Variants in GLI3 observed in about 807,000 individuals in gnomAD.
The protein encoded by GLI3 is GLI family zinc finger 3.
A neutral mutation model predicts 100.8 loss-of-function variants in GLI3; 20 were observed. The observed-to-expected ratio is 0.20, with a 90% CI of 0.14 to 0.29. The LOEUF is 0.29. Ranked by LOEUF, GLI3 falls within the 10% of genes least tolerant of loss-of-function variation. GLI3 has a pLI of 1.00. For missense variants in GLI3, 2,040 were observed against 2,128.5 expected (o/e 0.96, Z 0.82); for synonymous variants, 938 against 860.5 (o/e 1.09, Z -1.58).
At chr7:42,052,702 C>T (rs959681115) in intron 4 of GLI3, among the ~76,000 whole-genome samples, 1 of 152,054 alleles carries the variant, frequency 6.6e-6, no homozygotes, top group Non-Finnish European at 1.5e-5. Context: ...GTCCAAATGG[C>T]GATTTGTTCC....
chr7:42,036,281 A>T (rs1348637767), intron 7 of GLI3, among the ~76,000 whole-genome samples: 1 of 152,246 alleles, frequency 6.6e-6, no homozygotes, highest in Non-Finnish European at 1.5e-5. Context: ...TCAGAAAGCC[A>T]GAATTATTCA....
At chr7:42,158,052 T>G (rs1022992820) in intron 2 of GLI3, among the ~76,000 whole-genome samples, 7 of 152,224 alleles carry the variant, frequency 4.6e-5, no homozygotes, top group African/African-American at 1.7e-4. Context: ...CTCCTATGCA[T>G]ATGCAAACAC....
chr7:42,190,010 A>G, intron 2 of GLI3, among the ~76,000 whole-genome samples: 1 of 140,874 alleles, frequency 7.1e-6, no homozygotes, highest in East Asian at 2.0e-4. Flanking sequence ...ACACACACAC[A>G]CACACACAGA....
intron 2 of GLI3, among the ~76,000 whole-genome samples, chr7:42,197,261 A>T (rs1787945552): frequency 6.6e-6 from 1 of 152,238 alleles, no homozygotes; most frequent in Non-Finnish European, 1.5e-5. Flanking sequence ...AGATCTATGC[A>T]GCTAAGAGTA....
chr7:42,080,852 C>T (rs1179115713), intron 3 of GLI3, among the ~76,000 whole-genome samples: 1 of 152,164 alleles, frequency 6.6e-6, no homozygotes, highest in African/African-American at 2.4e-5. Context: ...CCAAGAAAAC[C>T]CACATGACGA....
upstream of GLI3, among the ~76,000 whole-genome samples, chr7:42,237,268 T>G (rs1355754815): frequency 4.0e-5 from 6 of 151,656 alleles, no homozygotes; most frequent in Non-Finnish European, 7.4e-5. Flanking sequence ...AGCTCCGGCA[T>G]CAGTTTCGGG....
chr7:41,978,701 G>A lies in GLI3; in HGVS notation c.1545C>T (p.Cys515=). The change falls in exon 11 of 15, where the codon TGC becomes TGT. Residue 515 remains cysteine, a synonymous_variant. Coordinates refer to ENST00000395925, the MANE Select transcript of GLI3 (RefSeq NM_000168.6). ...HIHGEKKEFV[C]RWLDCSREQK... ...GCTCTCTTGAGCAGTCCAGCCACCT[G>A]CACACGAACTCCTTCTTCTCTCCAT... The A allele has an allele frequency of 6.2e-7, 1 of 1,613,524 alleles. No individual in the cohort carries two copies. Among genetic ancestry groups the A allele is most frequent in the Non-Finnish European group, 8.5e-7 (1 of 1,179,442 alleles).
intron 3 of GLI3, among the ~76,000 whole-genome samples, chr7:42,132,335 C>T (rs906674111): frequency 2.0e-5 from 3 of 151,992 alleles, no homozygotes; most frequent in East Asian, 3.9e-4. Flanking sequence ...CTCCTGACCT[C>T]CTGATCCGCC....
At chr7:42,210,344 C>CT (rs201207223) in intron 2 of GLI3, among the ~76,000 whole-genome samples, 2,927 of 129,100 alleles carry the variant, frequency 0.023, 151 homozygotes, top group African/African-American at 0.083. Flanking sequence ...GAAAGCCCCC[C>CT]CCCCCCCCCC....
chr7:42,140,947 GGGAGGGAAAGGAC>G (rs1275404526), intron 3 of GLI3, among the ~76,000 whole-genome samples: 1 of 152,186 alleles, frequency 6.6e-6, no homozygotes, highest in East Asian at 1.9e-4. Context: ...GAAGGAAACA[GGGAGGGAAAGGAC>G]GGAGGGAAAG....
intron 7 of GLI3, among the ~76,000 whole-genome samples, chr7:42,027,373 T>A (rs1029322374): frequency 6.6e-6 from 1 of 152,112 alleles, no homozygotes; most frequent in African/African-American, 2.4e-5. Context: ...GAAAAAAATA[T>A]TTATATATAT....
At position 41,965,638 on chromosome 7, in the gene GLI3, G is replaced by A. The variant is rs776456548; in HGVS notation, c.3435C>T (p.Ala1145=). 7 of 1,611,744 alleles carry A rather than the reference G, an allele frequency of 4.3e-6. No homozygotes were observed. Among genetic ancestry groups the A allele is most frequent in the African/African-American group, 1.3e-5 (1 of 74,952 alleles). The change falls in exon 15 of 15, where the codon GCC becomes GCT. Residue 1145 remains alanine, a synonymous_variant. Transcript: ENST00000395925. The part of the protein sequence containing the change: ...PDSHAGQQFH[A]LEQPCPEGSK... ...TGCCCTCGGGGCAGGGCTGCTCGAG[G>A]GCATGGAACTGCTGGCCAGCGTGGC... is the stretch of plus-strand genomic sequence containing the variant.
chr7:42,144,233 T>C (rs959287942), intron 3 of GLI3, among the ~76,000 whole-genome samples: 1 of 152,152 alleles, frequency 6.6e-6, no homozygotes, highest in Non-Finnish European at 1.5e-5. Context: ...AGAAGAAAAT[T>C]GCTGAGGAAT....
intron 1 of GLI3, among the ~76,000 whole-genome samples, chr7:42,258,739 G>T (rs1316234837): frequency 6.6e-6 from 1 of 152,068 alleles, no homozygotes; most frequent in African/African-American, 2.4e-5. Flanking sequence ...GAGGACCCTT[G>T]GGCTTGTTTT....
chr7:42,156,528 T>TA (rs1787007617), intron 2 of GLI3, among the ~76,000 whole-genome samples: 1 of 152,216 alleles, frequency 6.6e-6, no homozygotes, highest in Admixed American at 6.5e-5. Flanking sequence ...CTCTCTTTCT[T>TA]ACTTTGCACA....
chr7:42,026,094 G>T, intron 8 of GLI3, 105 bp downstream of exon 8: 1 of 750,294 alleles, frequency 1.3e-6, no homozygotes. Context: ...TAGTACAGAG[G>T]CTGTGAGAAC....
At chr7:42,182,683 C>CGTGTGTGTGTATATATATATATATATAT (rs1562775920) in intron 2 of GLI3, among the ~76,000 whole-genome samples, 2 of 54,894 alleles carry the variant, frequency 3.6e-5, no homozygotes, top group Non-Finnish European at 3.3e-5. Flanking sequence ...TATATATATA[C>CGTGTGTGTGTATATATATATATATATAT]ACATGTGTGT....
chr7:41,981,708 G>A (rs1787672940), intron 10 of GLI3, among the ~76,000 whole-genome samples: 1 of 152,200 alleles, frequency 6.6e-6, no homozygotes, highest in Admixed American at 6.5e-5. Context: ...GCTCTGGATT[G>A]GACCTGAGAT....
chr7:42,035,362 G>A (rs1318041578), intron 7 of GLI3, among the ~76,000 whole-genome samples: 4 of 152,194 alleles, frequency 2.6e-5, no homozygotes, highest in African/African-American at 4.8e-5. Context: ...GGGTCCTAGT[G>A]TCAGACAGGG....
Sources: allele counts gnomAD v4.1 joint callset (sites outside exome capture counted in the v4.1 genomes callset), GRCh38; gene constraint gnomAD v4.1.1; transcripts MANE v1.5; gene names NCBI Gene and HGNC (gene_info 2026-07-23, HGNC 2026-07-21).